Variants in ABCC6 observed in about 807,000 individuals in gnomAD.
The protein encoded by ABCC6 is ATP-binding cassette sub-family C member 6.
In ABCC6, 126 loss-of-function variants were observed where a neutral mutation model predicts 169.5. The ratio of observed to expected loss-of-function variants is 0.74; its 90% confidence interval spans 0.64 to 0.86. The LOEUF (loss-of-function observed/expected upper bound fraction) is 0.86, where lower values mean the gene tolerates loss of function less well. ABCC6 is among the 40% of genes least tolerant of loss of function. The probability of loss-of-function intolerance (pLI) is 0.00; values close to 1 mark genes in which losing one functional copy is unlikely to be tolerated. For synonymous variants in ABCC6, 752 were observed against 814.7 expected (o/e 0.92, Z 1.31); for missense variants, 1,733 against 1,927.2 (o/e 0.90, Z 1.89).
intron 25 of ABCC6, 36 bp from the exon 26 acceptor site, chr16:16,159,619 AG>A: frequency 1.9e-6 from 3 of 1,595,168 alleles, no homozygotes; most frequent in Non-Finnish European, 2.6e-6. Flanking sequence ...GGGTTTGGCA[AG>A]GCCACTTGAG....
chr16:16,164,750 C>A (rs1325083196), intron 23 of ABCC6, among the ~76,000 whole-genome samples: 2 of 152,138 alleles, frequency 1.3e-5, no homozygotes, highest in East Asian at 3.9e-4. Flanking sequence ...CATGGGCCGA[C>A]CCACATAGTA....
intron 21 of ABCC6, chr16:16,172,961 T>G (rs56246088): frequency 0.99 from 379,520 of 383,616 alleles, 187,857 homozygotes; most frequent in East Asian, 1. Flanking sequence ...AGGATTGCTT[T>G]AGCCCAGGAG....
chr16:16,153,110 G>T (rs913289502), intron 29 of ABCC6, among the ~76,000 whole-genome samples: 1 of 152,042 alleles, frequency 6.6e-6, no homozygotes, highest in Non-Finnish European at 1.5e-5. Flanking sequence ...TCACCATATT[G>T]GTCAGGCTGG....
At chr16:16,222,799 C>T (rs1037774887) in intron 1 of ABCC6, among the ~76,000 whole-genome samples, 1 of 152,056 alleles carries the variant, frequency 6.6e-6, no homozygotes, top group African/African-American at 2.4e-5. Flanking sequence ...CTCCTGGTTT[C>T]ACAACTCACC....
intron 13 of ABCC6, among the ~76,000 whole-genome samples, chr16:16,188,537 A>T (rs976649373): frequency 2.0e-5 from 3 of 152,238 alleles, no homozygotes; most frequent in African/African-American, 7.2e-5. Flanking sequence ...GGGAACTGAC[A>T]TGATTGCTTG....
intron 27 of ABCC6, among the ~76,000 whole-genome samples, chr16:16,156,863 A>G (rs532638874): frequency 1.3e-5 from 2 of 150,610 alleles, no homozygotes; most frequent in South Asian, 4.2e-4. Context: ...GAATCACTTG[A>G]ATCTGGGAGG....
At chr16:16,220,557 A>G (rs2049037880) in intron 2 of ABCC6, among the ~76,000 whole-genome samples, 1 of 151,888 alleles carries the variant, frequency 6.6e-6, no homozygotes, top group Admixed American at 6.6e-5. Context: ...GACAGGTGAA[A>G]ATTACATGAA....
intron 9 of ABCC6, among the ~76,000 whole-genome samples, chr16:16,199,369 G>A (rs1482988504): frequency 7.4e-6 from 1 of 135,238 alleles, no homozygotes. Context: ...GAGAAGTTGA[G>A]CAACTTGCCC....
intron 4 of ABCC6, among the ~76,000 whole-genome samples, chr16:16,215,737 G>A (rs991789178): frequency 3.3e-4 from 50 of 151,844 alleles, no homozygotes; most frequent in Non-Finnish European, 6.3e-4. Flanking sequence ...GCCTCCCAAA[G>A]TGCTGGGATT....
chr16:16,185,091 C>G (rs41278182), intron 14 of ABCC6, 57 bp from the exon 15 acceptor site: 33 of 1,508,440 alleles, frequency 2.2e-5, no homozygotes, highest in Non-Finnish European at 3.0e-5. Context: ...GCCTCTGCAT[C>G]GGAGAGGCCC....
chr16:16,163,848 G>C (rs546459673), intron 23 of ABCC6, among the ~76,000 whole-genome samples: 28 of 152,138 alleles, frequency 1.8e-4, no homozygotes, highest in Non-Finnish European at 3.8e-4. Flanking sequence ...TCATCAGTTA[G>C]TGGTGAGAAC....
intron 18 of ABCC6, among the ~76,000 whole-genome samples, chr16:16,177,872 G>T (rs2047333877): frequency 6.6e-6 from 1 of 152,100 alleles, no homozygotes; most frequent in Non-Finnish European, 1.5e-5. Flanking sequence ...AAACCTGGGA[G>T]GTGGAGCTTG....
chr16:16,193,441 G>A (rs1388295557), intron 10 of ABCC6, among the ~76,000 whole-genome samples: 6 of 152,132 alleles, frequency 3.9e-5, no homozygotes, highest in Non-Finnish European at 8.8e-5. Flanking sequence ...GGCCGGGCAC[G>A]GTGGATCATG....
chr16:16,174,764 C>G (rs967476411), intron 20 of ABCC6, among the ~76,000 whole-genome samples: 3 of 121,996 alleles, frequency 2.5e-5, no homozygotes, highest in East Asian at 4.5e-4. Context: ...CTCAAAACCC[C>G]CCCCCGCAAA....
At chr16:16,192,554 G>T (rs191524391) in intron 11 of ABCC6, among the ~76,000 whole-genome samples, 3 of 152,128 alleles carry the variant, frequency 2.0e-5, no homozygotes, top group African/African-American at 7.2e-5. Flanking sequence ...TTTTGAAGGT[G>T]ATGCCAAGCA....
chr16:16,178,041 T>C (rs1055930765), intron 18 of ABCC6, among the ~76,000 whole-genome samples: 3 of 151,306 alleles, frequency 2.0e-5, no homozygotes, highest in Non-Finnish European at 4.4e-5. Context: ...AAAAAAAATG[T>C]ACGGCCGAGC....
intron 9 of ABCC6, among the ~76,000 whole-genome samples, chr16:16,200,517 T>G (rs2048203472): frequency 3.0e-5 from 4 of 135,114 alleles, no homozygotes; most frequent in Non-Finnish European, 4.8e-5. Flanking sequence ...GGCGTGTGGG[T>G]GGGGAATAGG....
At chr16:16,222,773 C>G (rs932802755) in intron 1 of ABCC6, among the ~76,000 whole-genome samples, 3 of 151,930 alleles carry the variant, frequency 2.0e-5, no homozygotes, top group Non-Finnish European at 2.9e-5. Context: ...ATTCTCTCTC[C>G]GCTGTCTTTT....
intron 20 of ABCC6, among the ~76,000 whole-genome samples, 172 bp from the exon 21 acceptor site, chr16:16,173,576 C>A (rs1407439174): frequency 1.3e-5 from 2 of 152,180 alleles, no homozygotes; most frequent in Non-Finnish European, 2.9e-5. Context: ...CCCTTCTTCC[C>A]ATATGGTACC....
Sources: allele counts gnomAD v4.1 joint callset (sites outside exome capture counted in the v4.1 genomes callset), GRCh38; gene constraint gnomAD v4.1.1; transcripts MANE v1.5; gene names NCBI Gene and HGNC (gene_info 2026-07-23, HGNC 2026-07-21).